IGF2R: variants seen among roughly 807,000 people sequenced by gnomAD.
IGF2R encodes cation-independent mannose-6-phosphate receptor.
In IGF2R, 91 loss-of-function variants were observed where a neutral mutation model predicts 270.6. The ratio of observed to expected loss-of-function variants is 0.34; its 90% CI spans 0.28 to 0.40. The LOEUF is 0.40. Among genes scored for constraint, IGF2R ranks in the 10% least tolerant of loss-of-function variants. The pLI is 1.00. For missense variants in IGF2R, 2,805 were observed against 3,188.3 expected (o/e 0.88, Z 2.90); for synonymous variants, 1,316 against 1,258.9 (o/e 1.05, Z -0.96).
intron 2 of IGF2R, among the ~76,000 whole-genome samples, chr6:159,997,953 C>G (rs1247885146): frequency 6.6e-6 from 1 of 152,240 alleles, no homozygotes; most frequent in Non-Finnish European, 1.5e-5. Context: ...ATTTCCCTCT[C>G]TCTCTACAAA....
intron 29 of IGF2R, among the ~76,000 whole-genome samples, chr6:160,065,269 G>A (rs1050969664): frequency 1.3e-5 from 2 of 152,154 alleles, no homozygotes; most frequent in African/African-American, 2.4e-5. Context: ...TTGCCAGATC[G>A]CCCTCTGGAC....
In IGF2R at chr6:160,102,733, G is replaced by C; in HGVS notation, c.6995+62G>C. On this transcript the variant is annotated intron_variant, in intron 46 of 47. Transcript: ENST00000356956. This position sits in a 1 kb window ranked among gnomAD's most constrained non-coding sequence, Gnocchi z 4.5. ...GCATGCCTCCCATAGCTAATCTTGG[G>C]GTCAGTTTTGTGGGGTTTTATTTAT... 1 of 1,509,270 alleles carries C rather than the reference G, an allele frequency of 6.6e-7. No individual in the cohort carries two copies. Among genetic ancestry groups the C allele is most frequent in the Non-Finnish European group, 9.0e-7 (1 of 1,114,810 alleles). 93.5% of individuals were successfully genotyped at this position (1,509,270 alleles called of 1,614,324 possible).
chr6:160,086,327 C>G (rs1308076966), intron 41 of IGF2R, among the ~76,000 whole-genome samples: 1 of 152,194 alleles, frequency 6.6e-6, no homozygotes, highest in Non-Finnish European at 1.5e-5. Flanking sequence ...GTGTCTGACA[C>G]CAAATGAGCT....
At chr6:160,097,701 G>A (rs1192698286) in intron 45 of IGF2R, among the ~76,000 whole-genome samples, 3 of 152,166 alleles carry the variant, frequency 2.0e-5, no homozygotes, top group Admixed American at 6.5e-5. Flanking sequence ...ATGAATTCTT[G>A]CCATGTAATT....
At chr6:159,973,624 G>A (rs1197308506) in intron 1 of IGF2R, among the ~76,000 whole-genome samples, 1 of 152,114 alleles carries the variant, frequency 6.6e-6, no homozygotes, top group East Asian at 1.9e-4. Flanking sequence ...ACATCCATTT[G>A]TGTGTGTGCA....
chr6:160,061,998 G>A, intron 25 of IGF2R, 70 bp downstream of exon 25: 1 of 1,435,646 alleles, frequency 7.0e-7, no homozygotes, highest in Non-Finnish European at 9.7e-7. Context: ...TTGAACCTCT[G>A]AATCTTCTAT....
chr6:160,026,976 T>A (rs191101322), intron 5 of IGF2R, among the ~76,000 whole-genome samples: 507 of 152,324 alleles, frequency 3.3e-3, no homozygotes, highest in Non-Finnish European at 5.5e-3. Flanking sequence ...TGTGCACCTC[T>A]TATATACCAG....
intron 7 of IGF2R, among the ~76,000 whole-genome samples, chr6:160,031,132 G>A (rs940645054): frequency 2.0e-5 from 3 of 152,108 alleles, no homozygotes; most frequent in East Asian, 3.9e-4. Context: ...GTGAGCCACC[G>A]CACCGGCCAG....
intron 12 of IGF2R, 78 bp from the exon 13 acceptor site, chr6:160,044,436 T>C (rs994561545): frequency 7.7e-5 from 91 of 1,180,968 alleles, no homozygotes; most frequent in Non-Finnish European, 9.8e-5. Context: ...TTCTTTCTTT[T>C]TTTTTTAAGT....
At chr6:160,098,567 C>T (rs997384629) in intron 45 of IGF2R, among the ~76,000 whole-genome samples, 1 of 152,012 alleles carries the variant, frequency 6.6e-6, no homozygotes, top group South Asian at 2.1e-4. Flanking sequence ...GCTTGTAATC[C>T]CAACATTTTG....
rs139940240 is a variant in IGF2R, at chr6:160,080,643, C to T, written c.5833+368C>T. Reference sequence around the variant, plus strand: ...AGGATTCTGAAGCTAGTGAGGATTCCGGTAAACCAGGCGACTCATTTATTG... The same window carrying T: ...AGGATTCTGAAGCTAGTGAGGATTCTGGTAAACCAGGCGACTCATTTATTG... On this transcript the variant is annotated intron_variant, in intron 39 of 47. Coordinates refer to ENST00000356956, the MANE Select transcript of IGF2R (RefSeq NM_000876.4). Among the ~76,000 whole-genome samples, 358 of 152,136 alleles carry T rather than the reference C, an allele frequency of 2.4e-3. 3 individuals are homozygous for T. The highest frequency in any genetic ancestry group is 8.0e-3 in the African/African-American group (332 of 41,504).
intron 29 of IGF2R, 44 bp downstream of exon 29, chr6:160,064,945 G>A: frequency 7.5e-7 from 1 of 1,326,614 alleles, no homozygotes; most frequent in African/African-American, 1.4e-5. Context: ...GACTAACTTG[G>A]TATGATTTTG....
chr6:160,089,290 G>A, intron 43 of IGF2R, 37 bp downstream of exon 43: 1 of 1,572,024 alleles, frequency 6.4e-7, no homozygotes, highest in Non-Finnish European at 8.7e-7. Flanking sequence ...TGTGAAATGT[G>A]TTCAAAATTA....
intron 4 of IGF2R, among the ~76,000 whole-genome samples, chr6:160,021,503 T>A: frequency 6.8e-6 from 1 of 147,958 alleles, no homozygotes; most frequent in African/African-American, 2.5e-5. Context: ...AAATGACGAG[T>A]TAATGGGTTC....
At chr6:159,984,078 C>T (rs1037158759) in intron 1 of IGF2R, among the ~76,000 whole-genome samples, 8 of 152,184 alleles carry the variant, frequency 5.3e-5, no homozygotes, top group Admixed American at 3.9e-4. Flanking sequence ...TGGTCTGAAT[C>T]TTCAGACAGT....
intron 1 of IGF2R, among the ~76,000 whole-genome samples, chr6:159,982,149 C>T (rs923256310): frequency 5.3e-5 from 8 of 152,166 alleles, no homozygotes; most frequent in African/African-American, 4.8e-5. Flanking sequence ...AAGTTGTTGA[C>T]GACAGTGGTT....
intron 32 of IGF2R, 44 bp downstream of exon 32, chr6:160,072,080 C>G (rs370032891): frequency 6.2e-7 from 1 of 1,611,076 alleles, no homozygotes; most frequent in Non-Finnish European, 8.5e-7. Context: ...AGGTGAGAGA[C>G]GGTGCCCCCA....
At chr6:160,099,651 G>GCCA (rs1381716034) in intron 45 of IGF2R, among the ~76,000 whole-genome samples, 1 of 152,214 alleles carries the variant, frequency 6.6e-6, no homozygotes, top group East Asian at 1.9e-4. Flanking sequence ...ACAGGCGTGA[G>GCCA]CCACCGTGCC....
At position 160,040,725 on chromosome 6, in the gene IGF2R, G is replaced by A. The variant is rs748699698; in HGVS notation, c.1480+1G>A. 1 of 1,609,970 alleles carries A rather than the reference G, an allele frequency of 6.2e-7. No individual in the cohort carries two copies. The highest frequency in any genetic ancestry group is 8.5e-7 in the Non-Finnish European group (1 of 1,177,368). On this transcript the variant is annotated splice_donor_variant, in intron 11 of 47. Transcript: ENST00000356956. LOFTEE classifies it high-confidence loss of function. ...CTGTCCGCGCTGGTCCGCCATGCAG[G>A]TACTGCCCTCCTTGCCATGCGGGTC...
Sources: allele counts gnomAD v4.1 joint callset (sites outside exome capture counted in the v4.1 genomes callset), GRCh38; gene constraint gnomAD v4.1.1; non-coding constraint Gnocchi (gnomAD v3.1); transcripts MANE v1.5; gene names NCBI Gene and HGNC (gene_info 2026-07-23, HGNC 2026-07-21).